The following HPSE2 variants were observed in gnomAD, a reference collection of about 807,000 sequenced individuals.
HPSE2 encodes inactive heparanase-2.
Under a neutral mutation model 60.5 loss-of-function variants are expected in HPSE2, and 38 were observed. The observed-to-expected ratio is 0.63, with a 90% confidence interval of 0.48 to 0.82. The LOEUF is 0.82. Among genes scored for constraint, HPSE2 ranks in the 40% least tolerant of loss-of-function variants. HPSE2 has a pLI of 0.00. For synonymous variants in HPSE2, 295 were observed against 293.2 expected (o/e 1.01, Z -0.06); for missense variants, 713 against 740.4 (o/e 0.96, Z 0.43).
At chr10:99,077,474 T>C (rs1372339841) in intron 3 of HPSE2, among the ~76,000 whole-genome samples, 1 of 152,130 alleles carries the variant, frequency 6.6e-6, no homozygotes, top group African/African-American at 2.4e-5. Flanking sequence ...TACTGATCCT[T>C]TCTTCTGATT....
intron 3 of HPSE2, among the ~76,000 whole-genome samples, chr10:99,037,695 A>T (rs1957641816): frequency 6.6e-6 from 1 of 152,058 alleles, no homozygotes; most frequent in African/African-American, 2.4e-5. Context: ...GACTTGCATC[A>T]ACCAATGATG....
chr10:98,745,019 G>A (rs948234652), intron 3 of HPSE2, among the ~76,000 whole-genome samples: 1 of 152,108 alleles, frequency 6.6e-6, no homozygotes, highest in Non-Finnish European at 1.5e-5. Flanking sequence ...TGGCTAACAC[G>A]GTGAAACCCC....
intron 3 of HPSE2, among the ~76,000 whole-genome samples, chr10:98,887,152 C>T (rs1211006301): frequency 6.6e-6 from 1 of 152,090 alleles, no homozygotes; most frequent in African/African-American, 2.4e-5. Flanking sequence ...TTATAGAACA[C>T]AAACATACAG....
At chr10:98,508,469 G>A (rs1942275123) in intron 9 of HPSE2, among the ~76,000 whole-genome samples, 1 of 152,188 alleles carries the variant, frequency 6.6e-6, no homozygotes, top group African/African-American at 2.4e-5. Context: ...CCGGCTATAG[G>A]AGGTGCTAGA....
At chr10:98,484,059 G>A (rs1461194360) in intron 10 of HPSE2, among the ~76,000 whole-genome samples, 1 of 152,116 alleles carries the variant, frequency 6.6e-6, no homozygotes, top group Admixed American at 6.5e-5. Flanking sequence ...AGGTGAAAAT[G>A]GGATTTCAAT....
chr10:99,291,009 TA>T, the HPSE2 span, among the ~76,000 whole-genome samples: 1 of 152,106 alleles, frequency 6.6e-6, no homozygotes, highest in Non-Finnish European at 1.5e-5. Flanking sequence ...GTGAAAAGGG[TA>T]AAAATAATTG....
intron 2 of HPSE2, among the ~76,000 whole-genome samples, chr10:99,170,675 A>AATGT (rs754621916): frequency 6.6e-5 from 10 of 152,238 alleles, no homozygotes; most frequent in Non-Finnish European, 1.2e-4. Context: ...AAAGTATCAG[A>AATGT]ATGTATCAAA....
chr10:99,226,014 T>TA (rs1244315357), intron 2 of HPSE2, among the ~76,000 whole-genome samples: 4 of 152,212 alleles, frequency 2.6e-5, no homozygotes, highest in Non-Finnish European at 5.9e-5. Flanking sequence ...TCTTTAATTA[T>TA]AAACATTTCT....
chr10:98,844,866 C>T (rs1951999253), intron 3 of HPSE2, among the ~76,000 whole-genome samples: 1 of 152,120 alleles, frequency 6.6e-6, no homozygotes, highest in African/African-American at 2.4e-5. Flanking sequence ...ATTGAGAACA[C>T]CAAAATTCTA....
At chr10:98,694,001 C>T in intron 5 of HPSE2, 54 bp from the exon 6 acceptor site, 2 of 1,373,858 alleles carry the variant, frequency 1.5e-6, no homozygotes, top group African/African-American at 2.8e-5. Flanking sequence ...ACCACATCCC[C>T]TAAATCAAAA....
At chr10:98,844,052 A>G (rs537937142) in intron 3 of HPSE2, among the ~76,000 whole-genome samples, 1 of 152,154 alleles carries the variant, frequency 6.6e-6, no homozygotes, top group Non-Finnish European at 1.5e-5. Flanking sequence ...GGGCTTATTT[A>G]TATGAAGCAA....
chr10:99,027,459 G>A (rs1278517908), intron 3 of HPSE2, among the ~76,000 whole-genome samples: 1 of 152,064 alleles, frequency 6.6e-6, no homozygotes, highest in African/African-American at 2.4e-5. Flanking sequence ...CAAGATCAAA[G>A]TTGTAATAAA....
chr10:99,068,977 C>A (rs1842701146), intron 3 of HPSE2, among the ~76,000 whole-genome samples: 1 of 152,110 alleles, frequency 6.6e-6, no homozygotes, highest in South Asian at 2.1e-4. Context: ...AATTAAAAAT[C>A]TTCACTCAAA....
chr10:99,151,983 C>A (rs1846285250), intron 2 of HPSE2, among the ~76,000 whole-genome samples: 1 of 151,320 alleles, frequency 6.6e-6, no homozygotes, highest in South Asian at 2.1e-4. Flanking sequence ...AACTATCATT[C>A]AAAAATGCAG....
intron 11 of HPSE2, among the ~76,000 whole-genome samples, 194 bp from the exon 12 acceptor site, chr10:98,459,933 C>A (rs1006795047): frequency 9.4e-4 from 141 of 149,854 alleles, no homozygotes; most frequent in Non-Finnish European, 1.6e-3. Flanking sequence ...ACAACCCCCC[C>A]ACTCCCCTGA....
chr10:98,544,251 A>G (rs1174496636), intron 9 of HPSE2, among the ~76,000 whole-genome samples: 4 of 152,356 alleles, frequency 2.6e-5, no homozygotes, highest in Non-Finnish European at 5.9e-5. Flanking sequence ...AATGAAATGA[A>G]GGCAGAAATA....
intron 6 of HPSE2, among the ~76,000 whole-genome samples, chr10:98,656,081 A>G (rs1947053531): frequency 6.9e-6 from 1 of 144,664 alleles, no homozygotes; most frequent in Non-Finnish European, 1.5e-5. Flanking sequence ...TTCCTATTTG[A>G]GTTTTTTTTT....
At chr10:99,145,097 G>A (rs74683289) in intron 2 of HPSE2, among the ~76,000 whole-genome samples, 2,698 of 152,116 alleles carry the variant, frequency 0.018, 45 homozygotes, top group Non-Finnish European at 0.024. Flanking sequence ...TTTATACTTC[G>A]GAATGATTTT....
intron 2 of HPSE2, among the ~76,000 whole-genome samples, chr10:99,214,130 G>C (rs1377531875): frequency 6.6e-6 from 1 of 152,070 alleles, no homozygotes; most frequent in Non-Finnish European, 1.5e-5. Flanking sequence ...AGCCATCGGG[G>C]AATAAAAATC....
Sources: gnomAD v4.1 joint callset for allele counts (sites outside exome capture counted in the v4.1 genomes callset) on GRCh38, gnomAD v4.1.1 for gene constraint, MANE v1.5 for transcripts, NCBI Gene and HGNC (gene_info 2026-07-23, HGNC 2026-07-21) for gene names.